Variants in ACTR5 observed in about 807,000 individuals in gnomAD.
ACTR5 encodes the protein actin-related protein 5.
A neutral mutation model predicts 61.2 loss-of-function variants in ACTR5; 43 were observed. That is an observed-to-expected ratio of 0.70 (90% CI 0.55 to 0.91). ACTR5 has a LOEUF of 0.91. Ranked by LOEUF, ACTR5 falls within the 40% of genes least tolerant of loss-of-function variation. The pLI, the probability that ACTR5 is intolerant of heterozygous loss-of-function variation, is 0.00. For missense variants in ACTR5, 798 were observed against 782.2 expected (o/e 1.02, Z -0.24); for synonymous variants, 333 against 310.5 (o/e 1.07, Z -0.76).
chr20:38,762,607 A>G (rs1250952082), intron 5 of ACTR5, among the ~76,000 whole-genome samples: 1 of 152,206 alleles, frequency 6.6e-6, no homozygotes, highest in East Asian at 1.9e-4. Flanking sequence ...ACTGGGAGGC[A>G]TCCTTTAGAC....
At chr20:38,769,509 G>A (rs566541555) in intron 8 of ACTR5, among the ~76,000 whole-genome samples, 4 of 152,310 alleles carry the variant, frequency 2.6e-5, no homozygotes, top group African/African-American at 9.6e-5. Flanking sequence ...ATTCTAAGTG[G>A]AGCAACTAGT....
rs201033138 is a variant in ACTR5, at chr20:38,767,598, T to C, written c.1566+2T>C. On this transcript the variant is annotated splice_donor_variant, in intron 8 of 8. Coordinates refer to ENST00000243903, the MANE Select transcript of ACTR5 (RefSeq NM_024855.4). LOFTEE classifies it high-confidence loss of function. ...AGACCCTTCCGGTCTTCTTTTCAGG[T>C]ACTGATTGTTCGAGTAGTCAATTAT... 1.2e-6 allele frequency: 2 copies of C among 1,604,156 alleles called. No homozygotes were observed. Among genetic ancestry groups the C allele is most frequent in the Admixed American group, 1.7e-5 (1 of 58,258 alleles).
Position 38,771,784 on chromosome 20 carries a change from G to C in ACTR5, c.1792G>C (p.Ala598Pro). 1 of 1,613,234 alleles carries C rather than the reference G, an allele frequency of 6.2e-7. No individual in the cohort carries two copies. Among genetic ancestry groups the C allele is most frequent in the Non-Finnish European group, 8.5e-7 (1 of 1,179,864 alleles). Residue 598 changes from alanine (A) to proline (P), a missense_variant, in exon 9 of 9, where the codon GCT (alanine) becomes CCT (proline). By Grantham distance (27) the Ala-to-Pro change is conservative. Coordinates refer to ENST00000243903, the MANE Select transcript of ACTR5 (RefSeq NM_024855.4). ...CCAGGCATCCAGCAAGGGCTCCGCT[G>C]CTGGTGGAGGTGGTGCTGGTGAGCA... ...DAQASSKGSA[A>P]GGGGAGEQA
Position 38,748,819 on chromosome 20 carries a change from A to T in ACTR5, c.341A>T (p.Asp114Val). The stretch of plus-strand genomic sequence containing the variant: ...CTGGAGCTTCAGGAGTTGCTGCTGG[A>T]CTACAGCTTCCAGCACCTGGGTGTC... The part of the protein sequence containing the change: ...VNLELQELLL[D>V]YSFQHLGVSS... The change falls in exon 1 of 9, where the codon GAC becomes GTC. Residue 114 changes from aspartate (D) to valine (V), a missense_variant. Asp to Val is a radical substitution (Grantham distance 152, BLOSUM62 -3). Transcript: ENST00000243903. 1 of 1,608,800 alleles carries T rather than the reference A, an allele frequency of 6.2e-7. No homozygotes were observed. The highest frequency in any genetic ancestry group is 8.5e-7 in the Non-Finnish European group (1 of 1,178,870).
chr20:38,766,300 A>G lies in ACTR5; in HGVS notation c.1356A>G (p.Pro452=), dbSNP rs1333727744. 8 of 1,614,038 alleles carry G rather than the reference A, an allele frequency of 5.0e-6. No homozygotes were observed. The highest frequency in any genetic ancestry group is 2.2e-5 in the East Asian group (1 of 44,888). ...TTGGGACAGAAAGAATTCGAGCTCC[A>G]GAGATTATTTTCCAGCCATCTCTCA... The part of the protein sequence containing the change: ...LFVGTERIRA[P]EIIFQPSLIG... Residue 452 remains proline, a synonymous_variant, in exon 7 of 9, where the codon CCA becomes CCG. Transcript: ENST00000243903.
intron 5 of ACTR5, among the ~76,000 whole-genome samples, chr20:38,764,019 C>T (rs753583267): frequency 2.6e-5 from 4 of 152,138 alleles, no homozygotes; most frequent in Non-Finnish European, 5.9e-5. Context: ...TACATTGTCA[C>T]CCATCTTGCA....
intron 8 of ACTR5, among the ~76,000 whole-genome samples, chr20:38,768,860 G>A (rs757524055): frequency 2.6e-5 from 4 of 152,154 alleles, no homozygotes; most frequent in Non-Finnish European, 4.4e-5. Context: ...AGGCCATAGT[G>A]ATGAACCATG....
chr20:38,757,008 T>G (rs1196461037), intron 5 of ACTR5, among the ~76,000 whole-genome samples: 1 of 152,240 alleles, frequency 6.6e-6, no homozygotes, highest in Non-Finnish European at 1.5e-5. Flanking sequence ...CAATATAACC[T>G]CAGACTCCTG....
At chr20:38,770,976 C>T (rs2084516245) in intron 8 of ACTR5, among the ~76,000 whole-genome samples, 1 of 152,216 alleles carries the variant, frequency 6.6e-6, no homozygotes, top group South Asian at 2.1e-4. Context: ...CCGATGGAAG[C>T]TGCAGTGTTA....
In ACTR5 at chr20:38,755,868, G is replaced by A. The variant is rs2084417190; in HGVS notation, c.1005G>A (p.Glu335=). Reference sequence around the variant, plus strand: ...TGCTCTGTTTTCAGGAACTTCTAGAGGATGGCCAGATGGATCAGTTTCACA... The same window carrying A: ...TGCTCTGTTTTCAGGAACTTCTAGAAGATGGCCAGATGGATCAGTTTCACA... The part of the protein sequence containing the change: ...DRLLYVQELL[E]DGQMDQFHKA... Residue 335 remains glutamate (E), a synonymous_variant, in exon 5 of 9, where the codon GAG becomes GAA. Transcript: ENST00000243903. 2 of 1,613,996 alleles carry A rather than the reference G, an allele frequency of 1.2e-6. No homozygotes were observed. The highest frequency in any genetic ancestry group is 1.7e-6 in the Non-Finnish European group (2 of 1,180,022).
In ACTR5 at chr20:38,755,039, C is replaced by A; in HGVS notation, c.858C>A (p.Gly286=). ...TCCCATTTTCCAGCAAGCTCCTGGGCAGCACTCTGACCTCTGAGGAGAAAC... is the reference window on the plus strand; with the variant it reads ...TCCCATTTTCCAGCAAGCTCCTGGGAAGCACTCTGACCTCTGAGGAGAAAC... ...MQLPFSSKLL[G]STLTSEEKQE... Residue 286 remains glycine (G), a synonymous_variant, in exon 4 of 9, where the codon GGC becomes GGA. Coordinates refer to ENST00000243903, the MANE Select transcript of ACTR5 (RefSeq NM_024855.4). 6.2e-7 allele frequency: 1 copy of A among 1,614,232 alleles called. No homozygotes were observed. The highest frequency in any genetic ancestry group is 8.5e-7 in the Non-Finnish European group (1 of 1,180,044).
At chr20:38,756,115 G>T (rs1186953394) in intron 5 of ACTR5, 76 bp downstream of exon 5, 1 of 1,452,532 alleles carries the variant, frequency 6.9e-7, no homozygotes, top group East Asian at 2.4e-5. Flanking sequence ...CAAAGGGGTT[G>T]TGCCCAGAGT....
chr20:38,771,513 T>C, intron 8 of ACTR5, 46 bp from the exon 9 acceptor site: 2 of 1,585,266 alleles, frequency 1.3e-6, no homozygotes, highest in Non-Finnish European at 1.7e-6. Context: ...CAACATTCAC[T>C]CCTGGAGCCC....
At chr20:38,769,627 C>T (rs928185991) in intron 8 of ACTR5, among the ~76,000 whole-genome samples, 30 of 152,092 alleles carry the variant, frequency 2.0e-4, no homozygotes, top group African/African-American at 7.2e-4. Flanking sequence ...CCAGTGGACA[C>T]ACGAAAAGGT....
At chr20:38,763,232 T>C (rs144446055) in intron 5 of ACTR5, among the ~76,000 whole-genome samples, 1 of 152,192 alleles carries the variant, frequency 6.6e-6, no homozygotes, top group Admixed American at 6.5e-5. Flanking sequence ...ACTTTGATGA[T>C]TAATTTCCAT....
In ACTR5 at chr20:38,772,023, G is replaced by A; in HGVS notation, c.*207G>A. On this transcript the variant is annotated 3_prime_UTR_variant, in exon 9 of 9. Coordinates refer to ENST00000243903, the MANE Select transcript of ACTR5 (RefSeq NM_024855.4). ...TTCACTTGGGGGCTTCTGTGGTAGA[G>A]ACTAACTGGCCTTCTGATGTCTTTG... 1 of 661,038 alleles carries A rather than the reference G, an allele frequency of 1.5e-6. No individual in the cohort carries two copies. Among genetic ancestry groups the A allele is most frequent in the Non-Finnish European group, 2.5e-6 (1 of 399,782 alleles). 40.9% of individuals were successfully genotyped at this position (661,038 alleles called of 1,614,324 possible). A position where few individuals can be genotyped will look rare whatever the true frequency, so the allele number is the denominator to read the frequency against.
At chr20:38,755,709 T>C in intron 4 of ACTR5, 148 bp from the exon 5 acceptor site, 1 of 710,152 alleles carries the variant, frequency 1.4e-6, no homozygotes, top group Non-Finnish European at 2.4e-6. Context: ...GACAGAGAGG[T>C]GGGCAGCTGT....
chr20:38,750,384 G>C (rs1339729009), intron 2 of ACTR5, 145 bp downstream of exon 2: 3 of 673,760 alleles, frequency 4.5e-6, no homozygotes, highest in African/African-American at 1.8e-5. Context: ...CTACCTCACT[G>C]TGTGACTGGG....
intron 5 of ACTR5, among the ~76,000 whole-genome samples, chr20:38,762,477 C>T (rs2084460901): frequency 6.6e-6 from 1 of 152,202 alleles, no homozygotes; most frequent in African/African-American, 2.4e-5. Context: ...GAAACAAAGA[C>T]CCTCCACCTC....
Sources: allele counts gnomAD v4.1 joint callset (sites outside exome capture counted in the v4.1 genomes callset), GRCh38; gene constraint gnomAD v4.1.1; transcripts MANE v1.5; gene names NCBI Gene and HGNC (gene_info 2026-07-23, HGNC 2026-07-21).